The following GOLM2 variants were observed in gnomAD, a reference collection of about 807,000 sequenced individuals.
GOLM2 encodes the protein protein GOLM2.
GOLM2 carries 26 observed loss-of-function variants against 55.9 expected under a neutral mutation model. The observed-to-expected ratio is 0.47, with a 90% CI of 0.34 to 0.65. GOLM2 has a LOEUF of 0.65. Among genes scored for constraint, GOLM2 ranks in the 30% least tolerant of loss-of-function variants. GOLM2 has a pLI of 0.01. For missense variants in GOLM2, 486 were observed against 531.8 expected (o/e 0.91, Z 0.85); for synonymous variants, 165 against 194.6 (o/e 0.85, Z 1.27).
intron 6 of GOLM2, among the ~76,000 whole-genome samples, chr15:44,341,207 A>G (rs901601417): frequency 6.6e-6 from 1 of 150,984 alleles, no homozygotes; most frequent in Non-Finnish European, 1.5e-5. Flanking sequence ...CAGCCTCCCG[A>G]GTAGCTGGGA....
chr15:44,355,157 A>G, intron 6 of GOLM2: 1 of 199,122 alleles, frequency 5.0e-6, no homozygotes, highest in Non-Finnish European at 1.1e-5. Context: ...ACTGCTTAGC[A>G]TTCTCTGACC....
intron 8 of GOLM2, among the ~76,000 whole-genome samples, chr15:44,395,355 A>G (rs1016595203): frequency 9.9e-5 from 15 of 151,954 alleles, no homozygotes; most frequent in Non-Finnish European, 4.4e-5. Flanking sequence ...TGAAACCCGT[A>G]AACGAACATC....
chr15:44,311,831 G>T (rs1342846962), intron 1 of GOLM2, among the ~76,000 whole-genome samples: 1 of 152,042 alleles, frequency 6.6e-6, no homozygotes. Flanking sequence ...TGTATTTTTA[G>T]TATAGATGGG....
At chr15:44,392,736 A>G (rs1309568997) in intron 8 of GOLM2, among the ~76,000 whole-genome samples, 1 of 152,238 alleles carries the variant, frequency 6.6e-6, no homozygotes, top group Non-Finnish European at 1.5e-5. Context: ...AGATTGTTTA[A>G]TATTTGAAAA....
chr15:44,293,379 G>A (rs556115622), intron 1 of GOLM2, among the ~76,000 whole-genome samples: 28 of 152,214 alleles, frequency 1.8e-4, no homozygotes, highest in Admixed American at 7.2e-4. Flanking sequence ...ATGAAAGTCC[G>A]TACTTTATTC....
intron 1 of GOLM2, among the ~76,000 whole-genome samples, chr15:44,314,086 A>G (rs1595621010): frequency 1.3e-5 from 2 of 151,872 alleles, no homozygotes; most frequent in East Asian, 3.9e-4. Flanking sequence ...AAATACAAAA[A>G]ATTAGCCGGG....
intron 8 of GOLM2, among the ~76,000 whole-genome samples, chr15:44,398,634 T>C (rs1386791798): frequency 6.6e-6 from 1 of 150,848 alleles, no homozygotes; most frequent in East Asian, 1.9e-4. Context: ...ATTTAAACAA[T>C]GAACACAAGT....
At chr15:44,406,753 C>G (rs887548028) in intron 9 of GOLM2, 1 of 152,122 alleles carries the variant, frequency 6.6e-6, no homozygotes, top group African/African-American at 2.4e-5. Flanking sequence ...CTTCTCTGCT[C>G]TCTAGTAGTA....
intron 2 of GOLM2, among the ~76,000 whole-genome samples, chr15:44,326,513 CA>C (rs2078981753): frequency 6.6e-6 from 1 of 151,610 alleles, no homozygotes; most frequent in Non-Finnish European, 1.5e-5. Context: ...AGTATATGTT[CA>C]AAATCCTACT....
In GOLM2 at chr15:44,415,038, C is replaced by A. The variant is rs1157828542; in HGVS notation, c.*1632C>A. The A allele has an allele frequency of 6.6e-6, 1 of 152,576 alleles. No homozygotes were observed. The highest frequency in any genetic ancestry group is 1.5e-5 in the Non-Finnish European group (1 of 68,042). 9.5% of individuals were successfully genotyped at this position (152,576 alleles called of 1,614,324 possible). ...ACATAAACATGAAATGTGTTTTCCC[C>A]TGTGTACTAACACATTCTAGGCAAA... On this transcript the variant is annotated 3_prime_UTR_variant, in exon 10 of 10. Transcript: ENST00000299957.
At chr15:44,359,365 A>T (rs1347959983) in intron 6 of GOLM2, among the ~76,000 whole-genome samples, 7 of 152,030 alleles carry the variant, frequency 4.6e-5, no homozygotes, top group African/African-American at 1.7e-4. Flanking sequence ...AGGTGGGCGG[A>T]TCACGAGTTC....
chr15:44,318,291 T>G (rs1210529256), intron 1 of GOLM2, among the ~76,000 whole-genome samples: 1 of 152,254 alleles, frequency 6.6e-6, no homozygotes, highest in Non-Finnish European at 1.5e-5. Context: ...GGCCATAGTT[T>G]GCCCACCTCT....
chr15:44,363,340 T>A (rs958551450), intron 6 of GOLM2, among the ~76,000 whole-genome samples: 1 of 151,750 alleles, frequency 6.6e-6, no homozygotes, highest in South Asian at 2.1e-4. Flanking sequence ...CTCAAACAAA[T>A]TTACAAGAAA....
chr15:44,332,089 A>T lies in GOLM2; in HGVS notation c.576+11A>T. ...TTAGAGGAACAAAAGGTAAATTTTA[A>T]AAATATACTTAAATCCAAATATTTT... On this transcript the variant is annotated intron_variant, in intron 4 of 9. Coordinates refer to ENST00000299957, the MANE Select transcript of GOLM2 (RefSeq NM_138423.4). 1 of 1,254,044 alleles carries T rather than the reference A, an allele frequency of 8.0e-7. No homozygotes were observed. The highest frequency in any genetic ancestry group is 1.1e-6 in the Non-Finnish European group (1 of 872,332). 77.7% of individuals were successfully genotyped at this position (1,254,044 alleles called of 1,614,324 possible).
intron 1 of GOLM2, among the ~76,000 whole-genome samples, chr15:44,297,385 T>C (rs1005356950): frequency 3.9e-5 from 6 of 152,148 alleles, no homozygotes; most frequent in Non-Finnish European, 8.8e-5. Flanking sequence ...CTAGCTACCT[T>C]TGTCTCCCAC....
In GOLM2 at chr15:44,289,261, A is replaced by C; in HGVS notation, c.232A>C (p.Lys78Gln). 1 of 1,614,116 alleles carries C rather than the reference A, an allele frequency of 6.2e-7. No homozygotes were observed. Residue 78 changes from lysine to glutamine, a missense_variant, in exon 1 of 10, where the codon AAG (lysine) becomes CAG (glutamine). Lys to Gln is a moderately conservative substitution (Grantham distance 53). Coordinates refer to ENST00000299957, the MANE Select transcript of GOLM2 (RefSeq NM_138423.4). This position sits in a 1 kb window ranked among gnomAD's most constrained non-coding sequence, Gnocchi z 4.8. ...CCTCTTGCTGTTGGTGGACACGCAC[A>C]AGAAACAGATCGACCAGAAGGAGGC... ...SDLLLLVDTH[K>Q]KQIDQKEADY...
intron 6 of GOLM2, among the ~76,000 whole-genome samples, chr15:44,357,506 C>T (rs1167471836): frequency 1.3e-5 from 2 of 152,158 alleles, no homozygotes; most frequent in African/African-American, 4.8e-5. Context: ...AAGGATGTGC[C>T]TTCTCACCAC....
intron 9 of GOLM2, among the ~76,000 whole-genome samples, chr15:44,404,177 T>C (rs2141216260): frequency 6.6e-6 from 1 of 152,336 alleles, no homozygotes; most frequent in East Asian, 1.9e-4. Context: ...TTTTATGTGA[T>C]ACATGGAAAT....
intron 1 of GOLM2, chr15:44,307,254 C>G (rs2078844187): frequency 2.6e-5 from 4 of 152,354 alleles, no homozygotes; most frequent in Admixed American, 6.6e-5. Flanking sequence ...GCTCTGTGGC[C>G]CAGGCTGAAG....
Sources: gnomAD v4.1 joint callset for allele counts (sites outside exome capture counted in the v4.1 genomes callset) on GRCh38, gnomAD v4.1.1 for gene constraint, Gnocchi (gnomAD v3.1) non-coding constraint, MANE v1.5 for transcripts, NCBI Gene and HGNC (gene_info 2026-07-23, HGNC 2026-07-21) for gene names.